SGCD: variants seen among roughly 807,000 people sequenced by gnomAD.
The protein encoded by SGCD is sarcoglycan delta.
In SGCD, 18 loss-of-function variants were observed where a neutral mutation model predicts 36.6. That is an observed-to-expected ratio of 0.49 (90% CI 0.34 to 0.73). SGCD has a LOEUF of 0.73. Among genes scored for constraint, SGCD ranks in the 30% least tolerant of loss-of-function variants. The pLI, the probability that SGCD is intolerant of heterozygous loss-of-function variation, is 0.01. For synonymous variants in SGCD, 133 were observed against 130.6 expected, an observed-to-expected ratio of 1.02 and a Z score of -0.12; for missense variants, 387 against 346.7, an observed-to-expected ratio of 1.12 and a Z score of -0.92.
intron 3 of SGCD, among the ~76,000 whole-genome samples, chr5:156,257,270 C>T (rs1279129129): frequency 1.3e-5 from 2 of 151,560 alleles, no homozygotes; most frequent in African/African-American, 4.9e-5. Flanking sequence ...GTCAAGAGAT[C>T]GAGAGCATCC....
chr5:156,176,650 C>T (rs1252941578), intron 3 of SGCD, among the ~76,000 whole-genome samples: 2 of 152,112 alleles, frequency 1.3e-5, no homozygotes, highest in African/African-American at 2.4e-5. Context: ...TTCTGACTGA[C>T]TTCACAGAAC....
chr5:156,504,598 C>A (rs1289270706), intron 3 of SGCD, among the ~76,000 whole-genome samples: 2 of 152,034 alleles, frequency 1.3e-5, no homozygotes, highest in Non-Finnish European at 2.9e-5. Flanking sequence ...TAACATGCAA[C>A]TTTACATAGT....
intron 6 of SGCD, 44 bp from the exon 7 acceptor site, chr5:156,647,420 T>G: frequency 7.3e-7 from 1 of 1,378,858 alleles, no homozygotes; most frequent in African/African-American, 1.4e-5. Flanking sequence ...TACAGGTGAC[T>G]CCAGTATCTC....
intron 3 of SGCD, among the ~76,000 whole-genome samples, chr5:156,433,554 A>G (rs1753116283): frequency 6.6e-6 from 1 of 152,180 alleles, no homozygotes; most frequent in African/African-American, 2.4e-5. Flanking sequence ...AAATGAGGCT[A>G]AGGATTCCTG....
chr5:155,763,962 T>C, the SGCD span, among the ~76,000 whole-genome samples: 1 of 152,160 alleles, frequency 6.6e-6, no homozygotes, highest in African/African-American at 2.4e-5. Context: ...GTAGAATTAT[T>C]TGGAAAGAGA....
chr5:155,778,563 A>G, the SGCD span, among the ~76,000 whole-genome samples: 1,448 of 152,284 alleles, frequency 9.5e-3, 20 homozygotes, highest in African/African-American at 0.033. Flanking sequence ...CGGAAATGCC[A>G]GAGCCTACGC....
chr5:156,166,964 T>C (rs1173049034), intron 3 of SGCD, among the ~76,000 whole-genome samples: 3 of 152,160 alleles, frequency 2.0e-5, no homozygotes, highest in African/African-American at 7.2e-5. Context: ...CTTGCTCTCC[T>C]TGATTCTCCA....
intron 6 of SGCD, among the ~76,000 whole-genome samples, chr5:156,626,175 C>T (rs1009868872): frequency 1.3e-5 from 2 of 152,126 alleles, no homozygotes; most frequent in Non-Finnish European, 1.5e-5. Context: ...GTTGAGAAGC[C>T]GTGGGCTAGA....
Position 156,407,470 on chromosome 5 carries a change from C to T in SGCD, c.192+62793C>T, listed in dbSNP as rs193019249. 1.3e-3 allele frequency among the ~76,000 whole-genome samples: 197 copies of T among 152,210 alleles called. 1 individual carries two copies. Among genetic ancestry groups the T allele is most frequent in the Admixed American group, 6.8e-3 (104 of 15,284 alleles). On this transcript the variant is annotated intron_variant, in intron 3 of 8. Coordinates refer to ENST00000337851, the MANE Select transcript of SGCD (RefSeq NM_000337.6). ...GAGCCTAAGCGGGGGAGGGGATCAT[C>T]GTCTCTTCATCTGAACACATATCCC... is the stretch of plus-strand genomic sequence containing the variant.
chr5:156,002,791 T>C (rs536706434), intron 1 of SGCD, among the ~76,000 whole-genome samples: 1 of 152,336 alleles, frequency 6.6e-6, no homozygotes, highest in South Asian at 2.1e-4. Context: ...TCTTGGCTGA[T>C]TCTGTTGCAG....
At chr5:156,555,420 A>G (rs1430618927) in intron 4 of SGCD, among the ~76,000 whole-genome samples, 1 of 152,092 alleles carries the variant, frequency 6.6e-6, no homozygotes, top group African/African-American at 2.4e-5. Context: ...AGAGGGCCGT[A>G]TTTATTCTTT....
intron 7 of SGCD, among the ~76,000 whole-genome samples, chr5:156,729,564 C>G (rs1442259712): frequency 6.6e-6 from 1 of 152,180 alleles, no homozygotes; most frequent in East Asian, 1.9e-4. Flanking sequence ...ACAAGAAGCA[C>G]TCAATGAATA....
intron 1 of SGCD, among the ~76,000 whole-genome samples, chr5:155,936,922 G>A (rs1757217129): frequency 6.6e-6 from 1 of 152,158 alleles, no homozygotes; most frequent in African/African-American, 2.4e-5. Flanking sequence ...ATGTCAGCAC[G>A]GCCCCGGGTG....
At chr5:156,510,455 T>G (rs1211995918) in intron 4 of SGCD, among the ~76,000 whole-genome samples, 3 of 152,244 alleles carry the variant, frequency 2.0e-5, no homozygotes, top group Non-Finnish European at 4.4e-5. Flanking sequence ...TTAGTTGTCA[T>G]TGACCTATTT....
At chr5:156,563,832 T>G (rs954936004) in intron 4 of SGCD, among the ~76,000 whole-genome samples, 4 of 151,848 alleles carry the variant, frequency 2.6e-5, no homozygotes, top group African/African-American at 9.7e-5. Context: ...AATGAAGCAG[T>G]TACATACAAT....
intron 7 of SGCD, among the ~76,000 whole-genome samples, chr5:156,679,204 C>G (rs951231195): frequency 6.6e-6 from 1 of 152,224 alleles, no homozygotes. Flanking sequence ...TTCTAAGGAC[C>G]TCCTTCTAGT....
chr5:156,360,365 A>G (rs1274609004), intron 3 of SGCD, among the ~76,000 whole-genome samples: 1 of 151,220 alleles, frequency 6.6e-6, no homozygotes, highest in East Asian at 1.9e-4. Flanking sequence ...TTCTTGCCTC[A>G]GCCTCCTGAG....
At chr5:156,366,184 G>A (rs762911521) in intron 3 of SGCD, among the ~76,000 whole-genome samples, 2 of 152,222 alleles carry the variant, frequency 1.3e-5, no homozygotes, top group Non-Finnish European at 2.9e-5. Flanking sequence ...TTTGCTGTGT[G>A]AAGAGAGGGC....
intron 7 of SGCD, among the ~76,000 whole-genome samples, chr5:156,725,598 G>C (rs1457068065): frequency 6.6e-6 from 1 of 152,126 alleles, no homozygotes; most frequent in African/African-American, 2.4e-5. Context: ...GCTTTTGCTG[G>C]TGATAAAACA....
Sources: gnomAD v4.1 joint callset for allele counts (sites outside exome capture counted in the v4.1 genomes callset) on GRCh38, gnomAD v4.1.1 for gene constraint, MANE v1.5 for transcripts, NCBI Gene and HGNC (gene_info 2026-07-23, HGNC 2026-07-21) for gene names.